NT5C2: variants seen among roughly 807,000 people sequenced by gnomAD.
NT5C2 encodes 5'-nucleotidase, cytosolic II.
Under a neutral mutation model 76.1 loss-of-function variants are expected in NT5C2, and 58 were observed. The ratio of observed to expected loss-of-function variants is 0.76; its 90% CI spans 0.62 to 0.95. The LOEUF (loss-of-function observed/expected upper bound fraction) is 0.95. NT5C2 is among the 40% of genes least tolerant of loss of function. The probability of loss-of-function intolerance (pLI) is 0.00; values close to 1 mark genes in which losing one functional copy is unlikely to be tolerated. For synonymous variants in NT5C2, 229 were observed against 237.4 expected, an observed-to-expected ratio of 0.96 and a Z score of 0.32; for missense variants, 478 against 690.3, an observed-to-expected ratio of 0.69 and a Z score of 3.45.
At chr10:103,158,733 G>A (rs752110279) in intron 3 of NT5C2, among the ~76,000 whole-genome samples, 3 of 151,180 alleles carry the variant, frequency 2.0e-5, no homozygotes, top group South Asian at 2.1e-4. Context: ...CAGGAGAATC[G>A]CTTTAACCCA....
At chr10:103,158,470 G>GA (rs2083951794) in intron 3 of NT5C2, among the ~76,000 whole-genome samples, 1 of 151,870 alleles carries the variant, frequency 6.6e-6, no homozygotes. Context: ...CAACAAAATT[G>GA]ACATTTAGCT....
chr10:103,180,121 A>G (rs924675706), intron 2 of NT5C2, among the ~76,000 whole-genome samples: 1 of 152,268 alleles, frequency 6.6e-6, no homozygotes, highest in African/African-American at 2.4e-5. Flanking sequence ...ATCAAAGAAT[A>G]TATACAAATG....
At chr10:103,148,658 C>A (rs1328304304) in intron 3 of NT5C2, among the ~76,000 whole-genome samples, 1 of 151,076 alleles carries the variant, frequency 6.6e-6, no homozygotes, top group Admixed American at 6.6e-5. Context: ...ACAGTGCTCA[C>A]TTCGGCAGCA....
In NT5C2 at chr10:103,110,652, A is replaced by G. The variant is rs888735228; in HGVS notation, c.176-3946T>C. 2.0e-4 allele frequency among the ~76,000 whole-genome samples: 31 copies of G among 152,232 alleles called. 1 individual carries two copies. Among genetic ancestry groups the G allele is most frequent in the African/African-American group, 7.0e-4 (29 of 41,464 alleles). On this transcript the variant is annotated intron_variant, in intron 4 of 18. Coordinates refer to ENST00000404739, the MANE Select transcript of NT5C2 (RefSeq NM_001351169.2). Reference sequence around the variant, plus strand: ...GGAATGGATTTAATAAAGAGAGTCCAAGTTCTACCCTGACAACACTATTTC... The same window carrying G: ...GGAATGGATTTAATAAAGAGAGTCCGAGTTCTACCCTGACAACACTATTTC...
intron 3 of NT5C2, among the ~76,000 whole-genome samples, chr10:103,150,627 A>G (rs1023721767): frequency 6.6e-6 from 1 of 152,222 alleles, no homozygotes; most frequent in Non-Finnish European, 1.5e-5. Context: ...CTTATCAGCA[A>G]TGCATGAGAG....
chr10:103,180,101 T>C (rs552933171), intron 2 of NT5C2, among the ~76,000 whole-genome samples: 3 of 152,294 alleles, frequency 2.0e-5, no homozygotes, highest in East Asian at 1.9e-4. Flanking sequence ...AACATATGCA[T>C]AGACATTTCA....
intron 3 of NT5C2, among the ~76,000 whole-genome samples, chr10:103,144,989 C>T (rs1433892380): frequency 6.6e-6 from 1 of 152,138 alleles, no homozygotes; most frequent in Non-Finnish European, 1.5e-5. Flanking sequence ...AAAAGCCTCA[C>T]ATATATTCTC....
chr10:103,187,891 T>A (rs2092236102), intron 1 of NT5C2, among the ~76,000 whole-genome samples: 2 of 152,210 alleles, frequency 1.3e-5, no homozygotes, highest in African/African-American at 4.8e-5. Context: ...CAGAAATCTG[T>A]AAAATATTTA....
At chr10:103,176,522 G>C (rs910473683) in intron 2 of NT5C2, among the ~76,000 whole-genome samples, 6 of 152,170 alleles carry the variant, frequency 3.9e-5, no homozygotes, top group Non-Finnish European at 8.8e-5. Context: ...CTCTTGTGCT[G>C]TGTCTGCTGG....
intron 3 of NT5C2, among the ~76,000 whole-genome samples, chr10:103,163,650 TAA>T (rs781187014): frequency 2.6e-5 from 4 of 151,620 alleles, no homozygotes; most frequent in Non-Finnish European, 5.9e-5. Context: ...ACTCCAGATA[TAA>T]GTCCTTTATC....
chr10:103,119,969 C>A (rs1344586966), intron 4 of NT5C2, among the ~76,000 whole-genome samples: 1 of 151,844 alleles, frequency 6.6e-6, no homozygotes, highest in East Asian at 1.9e-4. Flanking sequence ...CATGATGGCA[C>A]GAGCCTATAG....
intron 6 of NT5C2, chr10:103,105,279 CGTATT>C (rs1417652834): frequency 3.9e-6 from 1 of 259,644 alleles, no homozygotes; most frequent in African/African-American, 2.3e-5. Flanking sequence ...ATCTAAAAAA[CGTATT>C]GGCTATTAAA....
intron 3 of NT5C2, among the ~76,000 whole-genome samples, chr10:103,168,016 A>T (rs1427259098): frequency 6.6e-6 from 1 of 152,178 alleles, no homozygotes; most frequent in Non-Finnish European, 1.5e-5. Context: ...TTAAACATGT[A>T]CAAGAAATTT....
intron 3 of NT5C2, among the ~76,000 whole-genome samples, chr10:103,143,898 C>T (rs1006080958): frequency 2.6e-5 from 4 of 151,908 alleles, no homozygotes; most frequent in Admixed American, 6.6e-5. Context: ...AAGGCTGCAG[C>T]GAACTGAGAT....
intron 4 of NT5C2, among the ~76,000 whole-genome samples, chr10:103,120,922 A>G (rs2075528386): frequency 6.6e-6 from 1 of 152,250 alleles, no homozygotes; most frequent in South Asian, 2.1e-4. Context: ...ATGAACAGAT[A>G]AACAAATGTA....
chr10:103,099,024 A>G, intron 9 of NT5C2, 40 bp from the exon 10 acceptor site: 1 of 1,498,554 alleles, frequency 6.7e-7, no homozygotes, highest in Non-Finnish European at 9.2e-7. Flanking sequence ...AAAGAACAAA[A>G]TCAGTTTTTA....
intron 3 of NT5C2, among the ~76,000 whole-genome samples, chr10:103,154,576 T>C (rs190106047): frequency 2.6e-5 from 4 of 152,298 alleles, no homozygotes; most frequent in Admixed American, 2.6e-4. Flanking sequence ...TTGAATAAGT[T>C]ACTTAACCTA....
At position 103,159,110 on chromosome 10, in the gene NT5C2, G is replaced by C. The variant is rs74445445; in HGVS notation, c.101+15748C>G. On this transcript the variant is annotated intron_variant, in intron 3 of 18. Transcript: ENST00000404739. ...CTGCCAGGTGCAGTAGCAGATGCTT[G>C]TAGTTCCAGCTATTCAGGAGGCTGA... is the stretch of plus-strand genomic sequence containing the variant. Among the ~76,000 whole-genome samples the C allele has an allele frequency of 2.3e-3, 344 of 152,250 alleles. 4 individuals carry two copies. Among genetic ancestry groups the C allele is most frequent in the African/African-American group, 7.8e-3 (326 of 41,540 alleles).
At chr10:103,149,013 A>C (rs757250619) in intron 3 of NT5C2, among the ~76,000 whole-genome samples, 2 of 152,216 alleles carry the variant, frequency 1.3e-5, no homozygotes, top group Non-Finnish European at 2.9e-5. Flanking sequence ...TGTACATCTC[A>C]GCCTTGACTG....
Sources: gnomAD v4.1 joint callset for allele counts (sites outside exome capture counted in the v4.1 genomes callset) on GRCh38, gnomAD v4.1.1 for gene constraint, MANE v1.5 for transcripts, NCBI Gene and HGNC (gene_info 2026-07-23, HGNC 2026-07-21) for gene names.